Variants in CNTN5 observed in about 807,000 individuals in gnomAD.
The protein encoded by CNTN5 is contactin-5.
A neutral mutation model predicts 129.1 loss-of-function variants in CNTN5; 77 were observed. That is an observed-to-expected ratio of 0.60 (90% CI 0.50 to 0.72). CNTN5 has a LOEUF of 0.72. Ranked by LOEUF, CNTN5 falls within the 30% of genes least tolerant of loss-of-function variation. The pLI is 0.00. For synonymous variants in CNTN5, 509 were observed against 465.6 expected, an observed-to-expected ratio of 1.09 and a Z score of -1.20; for missense variants, 1,478 against 1,328.8, an observed-to-expected ratio of 1.11 and a Z score of -1.75.
At chr11:99,304,541 C>A (rs1251702172) in intron 1 of CNTN5, among the ~76,000 whole-genome samples, 1 of 152,118 alleles carries the variant, frequency 6.6e-6, no homozygotes, top group Non-Finnish European at 1.5e-5. Flanking sequence ...AAGAGTTATT[C>A]TGGTAATAAT....
At chr11:99,164,292 C>G (rs1040566336) in intron 1 of CNTN5, among the ~76,000 whole-genome samples, 1 of 141,010 alleles carries the variant, frequency 7.1e-6, no homozygotes, top group African/African-American at 2.7e-5. Flanking sequence ...CACTATACTC[C>G]AGCCTGGGCA....
At chr11:100,176,217 A>C (rs1339218753) in intron 13 of CNTN5, among the ~76,000 whole-genome samples, 1 of 149,898 alleles carries the variant, frequency 6.7e-6, no homozygotes, top group Non-Finnish European at 1.5e-5. Context: ...ACGGGGTTTT[A>C]CCATGTTGGC....
chr11:99,267,838 C>A (rs1458604054), intron 1 of CNTN5, among the ~76,000 whole-genome samples: 1 of 151,674 alleles, frequency 6.6e-6, no homozygotes, highest in Admixed American at 6.6e-5. Context: ...TCTTCTATCA[C>A]TTATGCCAAA....
chr11:99,730,458 C>T (rs2010606), intron 3 of CNTN5, among the ~76,000 whole-genome samples: 1 of 151,980 alleles, frequency 6.6e-6, no homozygotes, highest in Non-Finnish European at 1.5e-5. Flanking sequence ...AGATAAACAC[C>T]TCAATATTTT....
chr11:99,429,989 T>C (rs769130374), intron 2 of CNTN5, among the ~76,000 whole-genome samples: 1 of 151,938 alleles, frequency 6.6e-6, no homozygotes, highest in Non-Finnish European at 1.5e-5. Context: ...AAGCTAAGAA[T>C]ATCAAGTAAC....
chr11:100,042,260 G>GA lies in CNTN5; in HGVS notation c.981-18943dup, dbSNP rs918043038. Among the ~76,000 whole-genome samples the GA allele has an allele frequency of 1.3e-3, 192 of 147,610 alleles. 1 individual carries two copies. Among genetic ancestry groups the GA allele is most frequent in the African/African-American group, 4.0e-3 (163 of 40,364 alleles). The stretch of plus-strand genomic sequence containing the variant: ...TTTTTGAGATACAGAATCATAAAAG[G>GA]AAAAAAAAAGCCTTTGTCTCAATAG... On this transcript the variant is annotated intron_variant, in intron 9 of 24. Transcript: ENST00000524871.
chr11:100,060,508 T>G (rs7116861), intron 9 of CNTN5, among the ~76,000 whole-genome samples: 123,653 of 152,070 alleles, frequency 0.81, 51,057 homozygotes, highest in East Asian at 1. Context: ...AGATTTGCAG[T>G]GTTGGAGGCA....
chr11:100,133,188 G>A (rs1946427400), intron 13 of CNTN5, among the ~76,000 whole-genome samples: 1 of 152,072 alleles, frequency 6.6e-6, no homozygotes, highest in African/African-American at 2.4e-5. Flanking sequence ...ATGATGAATA[G>A]CAACTTACAT....
chr11:99,678,637 AG>A (rs1332527176), intron 3 of CNTN5, among the ~76,000 whole-genome samples: 1 of 152,098 alleles, frequency 6.6e-6, no homozygotes, highest in East Asian at 1.9e-4. Context: ...TGAGTGTGGG[AG>A]GGAAGGGAAA....
chr11:100,100,078 T>A (rs1945166581), intron 13 of CNTN5, among the ~76,000 whole-genome samples: 1 of 152,136 alleles, frequency 6.6e-6, no homozygotes. Context: ...GTATAATTCC[T>A]GCCCTAAGCA....
intron 2 of CNTN5, among the ~76,000 whole-genome samples, chr11:99,396,223 G>A (rs936421586): frequency 3.3e-5 from 5 of 151,140 alleles, no homozygotes; most frequent in East Asian, 1.9e-4. Context: ...AATTTTCAAA[G>A]TATTAATTAT....
chr11:99,823,385 C>G (rs565041295), intron 4 of CNTN5, among the ~76,000 whole-genome samples: 1 of 152,030 alleles, frequency 6.6e-6, no homozygotes, highest in Admixed American at 6.6e-5. Flanking sequence ...AAGCCAGTTC[C>G]TACATTCAGC....
At chr11:100,182,486 A>G (rs1395851589) in intron 13 of CNTN5, among the ~76,000 whole-genome samples, 1 of 152,068 alleles carries the variant, frequency 6.6e-6, no homozygotes, top group African/African-American at 2.4e-5. Flanking sequence ...TCTAAATATC[A>G]TCACATTGGC....
At chr11:99,309,754 C>G (rs1865029963) in intron 1 of CNTN5, among the ~76,000 whole-genome samples, 1 of 152,068 alleles carries the variant, frequency 6.6e-6, no homozygotes, top group Admixed American at 6.6e-5. Context: ...GATGGTTGCC[C>G]AATGACAGCC....
At chr11:100,051,872 T>A (rs74372944) in intron 9 of CNTN5, among the ~76,000 whole-genome samples, 9,300 of 151,874 alleles carry the variant, frequency 0.061, 964 homozygotes, top group African/African-American at 0.21. Flanking sequence ...AATAAATAAT[T>A]CTTATAACTG....
intron 3 of CNTN5, among the ~76,000 whole-genome samples, chr11:99,782,969 T>C (rs1201171718): frequency 6.6e-6 from 1 of 151,196 alleles, no homozygotes; most frequent in Non-Finnish European, 1.5e-5. Flanking sequence ...AAAGACAAAA[T>C]TGACAAATGG....
rs144136552 is a variant in CNTN5, at chr11:99,985,931, A to AC, written c.878-16100dup. 2.7e-3 allele frequency among the ~76,000 whole-genome samples: 411 copies of AC among 152,034 alleles called. 4 individuals carry two copies. Among genetic ancestry groups the AC allele is most frequent in the African/African-American group, 8.6e-3 (357 of 41,454 alleles). ...ACTTGTACTCCATCCCATCTTAGCC[A>AC]CCCTTTCCTGTGGTAATAGCCTGAA... On this transcript the variant is annotated intron_variant, in intron 8 of 24. Transcript: ENST00000524871.
At chr11:99,383,048 G>T (rs1204219759) in intron 2 of CNTN5, among the ~76,000 whole-genome samples, 2 of 150,712 alleles carry the variant, frequency 1.3e-5, no homozygotes, top group African/African-American at 4.9e-5. Flanking sequence ...GTAGAGACAG[G>T]GTTTCACCAT....
intron 7 of CNTN5, among the ~76,000 whole-genome samples, chr11:99,927,371 T>C (rs544203751): frequency 6.6e-6 from 1 of 152,170 alleles, no homozygotes; most frequent in Non-Finnish European, 1.5e-5. Flanking sequence ...TTTGACTATA[T>C]CATATGGTCC....
Sources: gnomAD v4.1 joint callset for allele counts (sites outside exome capture counted in the v4.1 genomes callset) on GRCh38, gnomAD v4.1.1 for gene constraint, MANE v1.5 for transcripts, NCBI Gene and HGNC (gene_info 2026-07-23, HGNC 2026-07-21) for gene names.